ZNF718: variants seen among roughly 807,000 people sequenced by gnomAD.
ZNF718 encodes zinc finger protein 718.
ZNF718 carries 3 observed loss-of-function variants against 2.6 expected under a neutral mutation model. The observed-to-expected ratio is 1.16, with a 90% CI of 0.53 to 3.01. The LOEUF is 3.01. Among genes scored for constraint, ZNF718 ranks in the 30% most tolerant of loss-of-function variants. The pLI is 0.03. For missense variants in ZNF718, 468 were observed against 230.0 expected (o/e 2.03, Z -6.69); for synonymous variants, 135 against 77.9 (o/e 1.73, Z -3.86).
intron 3 of ZNF718, among the ~76,000 whole-genome samples, chr4:134,127 G>T (rs1323180557): frequency 6.6e-6 from 1 of 152,006 alleles, no homozygotes; most frequent in Non-Finnish European, 1.5e-5. Context: ...ATCAATCAAT[G>T]TTAAAGTTTT....
In ZNF718 at chr4:130,835, G is replaced by T; in HGVS notation, c.51G>T (p.Glu17Asp). Residue 17 changes from glutamate (E) to aspartate (D), a missense_variant, in exon 2 of 4, where the codon GAG becomes GAT. Glu to Asp is a conservative substitution (Grantham distance 45). Transcript: ENST00000510175. ...TGGCCATAGAATTCTCTCCAGAAGA[G>T]TGGAAATGTCTGGACACTTCCCAGC... ...KDVAIEFSPE[E>D]WKCLDTSQQN... The T allele has an allele frequency of 2.5e-6, 1 of 393,824 alleles. No homozygotes were observed. Among genetic ancestry groups the T allele is most frequent in the Non-Finnish European group, 4.5e-6 (1 of 221,708 alleles). 24.4% of individuals were successfully genotyped at this position (393,824 alleles called of 1,614,324 possible). A position where few individuals can be genotyped will look rare whatever the true frequency, so the allele number is the denominator to read the frequency against.
intron 3 of ZNF718, among the ~76,000 whole-genome samples, chr4:174,169 G>A (rs1376403188): frequency 1.3e-5 from 2 of 151,936 alleles, no homozygotes; most frequent in East Asian, 1.9e-4. Context: ...ATTCTTCCCC[G>A]AAGCTTTGCA....
At chr4:175,960 C>T (rs1173984802) in intron 3 of ZNF718, among the ~76,000 whole-genome samples, 2 of 150,302 alleles carry the variant, frequency 1.3e-5, no homozygotes, top group Non-Finnish European at 3.0e-5. Context: ...AGGTTCATGC[C>T]ATTCTCCTGC....
intron 3 of ZNF718, among the ~76,000 whole-genome samples, chr4:135,016 G>A (rs1715496276): frequency 6.6e-6 from 1 of 152,096 alleles, no homozygotes; most frequent in Non-Finnish European, 1.5e-5. Context: ...GGCTAAGGTG[G>A]GTGGATCACA....
intron 3 of ZNF718, among the ~76,000 whole-genome samples, chr4:198,172 G>A (rs1284969683): frequency 6.6e-6 from 1 of 152,018 alleles, no homozygotes; most frequent in Non-Finnish European, 1.5e-5. Context: ...CATGAGAAAC[G>A]TGCTAAGAGC....
chr4:134,672 A>C (rs1553809009), intron 3 of ZNF718, among the ~76,000 whole-genome samples: 1 of 151,944 alleles, frequency 6.6e-6, no homozygotes, highest in African/African-American at 2.4e-5. Context: ...ATTTAATCTC[A>C]TCGGTTAAAT....
At chr4:141,169 T>C (rs782505737) in intron 3 of ZNF718, among the ~76,000 whole-genome samples, 1 of 134,442 alleles carries the variant, frequency 7.4e-6, no homozygotes, top group Non-Finnish European at 1.6e-5. Context: ...CAGAAAGGGT[T>C]ATGTTATTCA....
intron 3 of ZNF718, among the ~76,000 whole-genome samples, chr4:138,179 A>G (rs373748627): frequency 1.8e-4 from 28 of 152,204 alleles, no homozygotes; most frequent in Non-Finnish European, 4.1e-4. Context: ...AAAATGTACA[A>G]TTAAATTGCT....
intron 3 of ZNF718, among the ~76,000 whole-genome samples, chr4:142,508 A>G (rs782496697): frequency 7.9e-5 from 12 of 152,220 alleles, no homozygotes; most frequent in Non-Finnish European, 1.5e-4. Context: ...ACCGTGGGCT[A>G]AAGAGACCAT....
At chr4:134,928 C>T (rs1323239972) in intron 3 of ZNF718, among the ~76,000 whole-genome samples, 2 of 151,962 alleles carry the variant, frequency 1.3e-5, no homozygotes, top group African/African-American at 4.8e-5. Context: ...AAATCTGAGA[C>T]AGGTCTCAGT....
chr4:129,650 A>G (rs1715305064), intron 1 of ZNF718, among the ~76,000 whole-genome samples: 1 of 104,606 alleles, frequency 9.6e-6, no homozygotes, highest in African/African-American at 3.3e-5. Context: ...CTGCAGTTTC[A>G]GTGGTTTTTT....
At chr4:156,985 G>A (rs1385685587) in intron 3 of ZNF718, among the ~76,000 whole-genome samples, 3 of 151,678 alleles carry the variant, frequency 2.0e-5, no homozygotes, top group African/African-American at 7.3e-5. Flanking sequence ...TAGCTGTTCC[G>A]CTTATACTCA....
rs782295638 is a variant in ZNF718 at position 180,199 on chromosome 4, G to A, written c.227-20882G>A. On this transcript the variant is annotated intron_variant and NMD_transcript_variant, in intron 3 of 4. Transcript: ENST00000642529. ...CTCCTAAACAATTTCCATTTTTATC[G>A]CTTTTCATTCATTGTGTAAGTTACC... is the stretch of plus-strand genomic sequence containing the variant. Among the ~76,000 whole-genome samples, 7 of 152,102 alleles carry A rather than the reference G, an allele frequency of 4.6e-5. 1 individual carries two copies. The highest frequency in any genetic ancestry group is 2.1e-4 in the South Asian group (1 of 4,830).
chr4:177,033 C>T (rs1053666176), intron 3 of ZNF718, among the ~76,000 whole-genome samples: 1 of 152,170 alleles, frequency 6.6e-6, no homozygotes, highest in African/African-American at 2.4e-5. Context: ...CTTACCTCAC[C>T]CCTAAAATTT....
intron 3 of ZNF718, among the ~76,000 whole-genome samples, chr4:151,758 C>G (rs1553812586): frequency 6.6e-6 from 1 of 151,904 alleles, no homozygotes; most frequent in Admixed American, 6.6e-5. Context: ...GGTGGGTTGC[C>G]CCTACACACC....
chr4:144,057 T>C (rs578186345), intron 3 of ZNF718, among the ~76,000 whole-genome samples: 12 of 152,132 alleles, frequency 7.9e-5, no homozygotes, highest in Non-Finnish European at 1.5e-4. Context: ...CATCCACCGT[T>C]AATAACTAAA....
At chr4:158,393 G>A (rs1304124359) in intron 3 of ZNF718, among the ~76,000 whole-genome samples, 1 of 151,624 alleles carries the variant, frequency 6.6e-6, no homozygotes, top group Non-Finnish European at 1.5e-5. Context: ...TGACAGAAAG[G>A]CTTACTAATA....
chr4:143,051 G>GA (rs1396761899), intron 3 of ZNF718, among the ~76,000 whole-genome samples: 1 of 152,192 alleles, frequency 6.6e-6, no homozygotes, highest in African/African-American at 2.4e-5. Context: ...GAAGCTAAAA[G>GA]AAACGTGCAA....
At chr4:170,835 C>G (rs1284662681) in intron 3 of ZNF718, among the ~76,000 whole-genome samples, 1 of 152,158 alleles carries the variant, frequency 6.6e-6, no homozygotes, top group Admixed American at 6.6e-5. Flanking sequence ...CTGAAGCCTT[C>G]TTGTCTCAAC....
Sources: gnomAD v4.1 joint callset for allele counts (sites outside exome capture counted in the v4.1 genomes callset) on GRCh38, gnomAD v4.1.1 for gene constraint, MANE v1.5 for transcripts, NCBI Gene and HGNC (gene_info 2026-07-23, HGNC 2026-07-21) for gene names.